The following GALNT17 variants were observed in gnomAD, a reference collection of about 807,000 sequenced individuals.
GALNT17 encodes the protein polypeptide N-acetylgalactosaminyltransferase 17.
A neutral mutation model predicts 63.7 loss-of-function variants in GALNT17; 29 were observed. That is an observed-to-expected ratio of 0.46 (90% confidence interval 0.34 to 0.62). The LOEUF is 0.62. Ranked by LOEUF, GALNT17 falls within the 20% of genes least tolerant of loss-of-function variation. The probability of loss-of-function intolerance (pLI) is 0.01; values close to 1 mark genes in which losing one functional copy is unlikely to be tolerated. For missense variants in GALNT17, 603 were observed against 799.6 expected, an observed-to-expected ratio of 0.75 and a Z score of 2.97; for synonymous variants, 305 against 318.3, an observed-to-expected ratio of 0.96 and a Z score of 0.45.
At chr7:71,278,761 A>G (rs370757126) in intron 1 of GALNT17, among the ~76,000 whole-genome samples, 2 of 152,140 alleles carry the variant, frequency 1.3e-5, no homozygotes, top group Non-Finnish European at 2.9e-5. Flanking sequence ...TCATGAGAAC[A>G]GCATGAGGGT....
intron 1 of GALNT17, among the ~76,000 whole-genome samples, chr7:71,148,859 T>TACA (rs1342415748): frequency 1.1e-5 from 1 of 94,888 alleles, no homozygotes; most frequent in Non-Finnish European, 1.9e-5. Context: ...TTATGGTATT[T>TACA]TTATATATAT....
chr7:71,550,806 T>C (rs974221737), intron 5 of GALNT17, among the ~76,000 whole-genome samples: 14 of 152,220 alleles, frequency 9.2e-5, no homozygotes, highest in Non-Finnish European at 8.8e-5. Flanking sequence ...TTTTTCATTA[T>C]GATCGATAAT....
At chr7:71,395,955 A>G (rs1793131011) in intron 3 of GALNT17, among the ~76,000 whole-genome samples, 1 of 152,156 alleles carries the variant, frequency 6.6e-6, no homozygotes, top group Non-Finnish European at 1.5e-5. Flanking sequence ...GACTTTTTAA[A>G]TTATTGACTC....
At chr7:71,690,063 T>A (rs1030473672) in intron 9 of GALNT17, among the ~76,000 whole-genome samples, 2 of 151,420 alleles carry the variant, frequency 1.3e-5, no homozygotes, top group Non-Finnish European at 2.9e-5. Flanking sequence ...TCTCACTCTG[T>A]CACCAGGCTG....
chr7:71,337,202 A>G (rs1401316148), intron 2 of GALNT17, among the ~76,000 whole-genome samples: 1 of 151,888 alleles, frequency 6.6e-6, no homozygotes, highest in Admixed American at 6.6e-5. Context: ...TCCCTTTTTC[A>G]TTTAACATTA....
At chr7:71,371,436 A>G (rs527880607) in intron 2 of GALNT17, among the ~76,000 whole-genome samples, 3 of 151,736 alleles carry the variant, frequency 2.0e-5, no homozygotes, top group East Asian at 3.9e-4. Flanking sequence ...TTTGTTAGCC[A>G]TTTGTCTCTT....
chr7:71,633,995 T>C (rs1012592349), intron 6 of GALNT17, among the ~76,000 whole-genome samples: 2 of 152,174 alleles, frequency 1.3e-5, no homozygotes, highest in Non-Finnish European at 2.9e-5. Context: ...TGGCCTCCTG[T>C]CTATTAAACT....
intron 6 of GALNT17, among the ~76,000 whole-genome samples, chr7:71,620,306 A>G (rs1790272207): frequency 6.6e-6 from 1 of 152,126 alleles, no homozygotes; most frequent in Non-Finnish European, 1.5e-5. Flanking sequence ...GTTTCATAGA[A>G]TGAGTTAGGG....
chr7:71,236,194 T>TA (rs199795897), intron 1 of GALNT17, among the ~76,000 whole-genome samples: 25,709 of 144,040 alleles, frequency 0.18, 2,931 homozygotes, highest in African/African-American at 0.34. Flanking sequence ...AAAAATTAAA[T>TA]AAAAAAAAAA....
chr7:71,677,390 T>C (rs2117067424), intron 9 of GALNT17, 84 bp downstream of exon 9: 2 of 1,311,870 alleles, frequency 1.5e-6, no homozygotes, highest in South Asian at 1.4e-5. Context: ...GGATAAACTT[T>C]GTTGCTGTCT....
At chr7:71,193,392 A>T (rs1363816969) in intron 1 of GALNT17, among the ~76,000 whole-genome samples, 1 of 150,284 alleles carries the variant, frequency 6.7e-6, no homozygotes, top group Non-Finnish European at 1.5e-5. Flanking sequence ...AAGCCACCAC[A>T]CTTGCCCCTC....
chr7:71,356,679 A>T (rs1409510138), intron 2 of GALNT17, among the ~76,000 whole-genome samples: 1 of 152,204 alleles, frequency 6.6e-6, no homozygotes, highest in Non-Finnish European at 1.5e-5. Context: ...GGTCGGCCCC[A>T]TGACCCAAAC....
intron 5 of GALNT17, among the ~76,000 whole-genome samples, chr7:71,453,608 A>G (rs558327740): frequency 2.6e-5 from 4 of 152,208 alleles, no homozygotes; most frequent in Non-Finnish European, 5.9e-5. Flanking sequence ...TATGGGAGCT[A>G]CAATTCAAGA....
rs151039837 is a variant in GALNT17, at chr7:71,530,205, A to G, written c.963-41080A>G. On this transcript the variant is annotated intron_variant, in intron 5 of 10. Coordinates refer to ENST00000333538, the MANE Select transcript of GALNT17 (RefSeq NM_022479.3). ...CCCTGCTGTCCCTCTAGCACAGTTC[A>G]TATGCTCCTAAGTATCTGGATTGAC... Among the ~76,000 whole-genome samples the G allele has an allele frequency of 2.6e-3, 390 of 152,250 alleles. 2 individuals carry two copies. Among genetic ancestry groups the G allele is most frequent in the African/African-American group, 8.7e-3 (360 of 41,544 alleles).
chr7:71,496,879 G>C (rs2116689725), intron 5 of GALNT17, among the ~76,000 whole-genome samples: 1 of 151,968 alleles, frequency 6.6e-6, no homozygotes, highest in Admixed American at 6.6e-5. Flanking sequence ...TCTGAGACCA[G>C]CCTGGGCAAA....
intron 1 of GALNT17, among the ~76,000 whole-genome samples, chr7:71,245,908 G>A (rs1790086036): frequency 7.2e-6 from 1 of 138,480 alleles, no homozygotes; most frequent in African/African-American, 2.7e-5. Flanking sequence ...GTGAGATTTT[G>A]CCTGGACCCC....
intron 6 of GALNT17, among the ~76,000 whole-genome samples, chr7:71,591,147 C>T (rs966297097): frequency 4.6e-5 from 7 of 152,186 alleles, no homozygotes; most frequent in Non-Finnish European, 1.0e-4. Flanking sequence ...ACCTCCACCT[C>T]ATGGGTTCAA....
At chr7:71,138,395 C>G (rs1787826341) in intron 1 of GALNT17, among the ~76,000 whole-genome samples, 1 of 151,900 alleles carries the variant, frequency 6.6e-6, no homozygotes, top group Admixed American at 6.6e-5. Context: ...TTGTAAAGGT[C>G]TTCATCCTGG....
At chr7:71,158,124 CTT>C (rs71748616) in intron 1 of GALNT17, among the ~76,000 whole-genome samples, 6 of 145,822 alleles carry the variant, frequency 4.1e-5, no homozygotes, top group Admixed American at 6.9e-5. Context: ...TTGATTCCCC[CTT>C]TTTTTTTTTG....
Sources: gnomAD v4.1 joint callset for allele counts (sites outside exome capture counted in the v4.1 genomes callset) on GRCh38, gnomAD v4.1.1 for gene constraint, MANE v1.5 for transcripts, NCBI Gene and HGNC (gene_info 2026-07-23, HGNC 2026-07-21) for gene names.